The following SLC8A1 variants were observed in gnomAD, a reference collection of about 807,000 sequenced individuals.
SLC8A1 encodes sodium/calcium exchanger 1.
A neutral mutation model predicts 68.3 loss-of-function variants in SLC8A1; 18 were observed. That is an observed-to-expected ratio of 0.26 (90% confidence interval 0.18 to 0.39). The LOEUF is 0.39. Ranked by LOEUF, SLC8A1 falls within the 10% of genes least tolerant of loss-of-function variation. The pLI, the probability that SLC8A1 is intolerant of heterozygous loss-of-function variation, is 1.00. For synonymous variants in SLC8A1, 475 were observed against 415.5 expected (o/e 1.14, Z -1.74); for missense variants, 985 against 1,156.7 (o/e 0.85, Z 2.15).
chr2:40,145,864 C>T (rs1261040597), intron 6 of SLC8A1, among the ~76,000 whole-genome samples: 1 of 152,194 alleles, frequency 6.6e-6, no homozygotes, highest in East Asian at 1.9e-4. Flanking sequence ...CTTTTACATG[C>T]TTTTACCTTA....
At chr2:40,303,081 C>A (rs2071831807) in intron 2 of SLC8A1, among the ~76,000 whole-genome samples, 1 of 152,182 alleles carries the variant, frequency 6.6e-6, no homozygotes, top group Non-Finnish European at 1.5e-5. Flanking sequence ...TGAATTGAAT[C>A]TGTATACAGT....
chr2:40,100,734 CGACA>C (rs1488382851), exon 8 of SLC8A1: 2 of 152,048 alleles, frequency 1.3e-5, no homozygotes, highest in Non-Finnish European at 2.9e-5. Context: ...ATGTCCTCAG[CGACA>C]GACAATGGAC....
intron 2 of SLC8A1, among the ~76,000 whole-genome samples, chr2:40,237,246 C>G (rs58684479): frequency 2.0e-5 from 3 of 152,142 alleles, no homozygotes; most frequent in Non-Finnish European, 4.4e-5. Context: ...GTACACCAAT[C>G]AGACGTAGAT....
intron 2 of SLC8A1, among the ~76,000 whole-genome samples, chr2:40,363,382 C>A (rs755280886): frequency 6.6e-6 from 1 of 151,998 alleles, no homozygotes; most frequent in Non-Finnish European, 1.5e-5. Flanking sequence ...TTTACTTAAA[C>A]AGTTATTTTG....
intron 2 of SLC8A1, among the ~76,000 whole-genome samples, chr2:40,394,149 C>G (rs372043646): frequency 5.3e-5 from 8 of 151,906 alleles, no homozygotes; most frequent in Non-Finnish European, 7.4e-5. Flanking sequence ...AAAATGTCAA[C>G]GGAGCTTAAA....
At chr2:40,279,861 T>G (rs1010742685) in intron 2 of SLC8A1, among the ~76,000 whole-genome samples, 1 of 152,248 alleles carries the variant, frequency 6.6e-6, no homozygotes, top group Non-Finnish European at 1.5e-5. Flanking sequence ...TCCTATTGTA[T>G]GCATTTGTTA....
At chr2:40,366,925 C>T (rs1014542488) in intron 2 of SLC8A1, among the ~76,000 whole-genome samples, 1 of 152,046 alleles carries the variant, frequency 6.6e-6, no homozygotes, top group Non-Finnish European at 1.5e-5. Flanking sequence ...ATCCTCTGAA[C>T]AGGATTTCAT....
At chr2:40,463,365 T>TAGTAC (rs1703455198) in intron 1 of SLC8A1, among the ~76,000 whole-genome samples, 1 of 152,198 alleles carries the variant, frequency 6.6e-6, no homozygotes, top group African/African-American at 2.4e-5. Flanking sequence ...AAGATAAGCA[T>TAGTAC]AGTACGTGTT....
At chr2:40,502,483 A>G (rs1489065243) in intron 1 of SLC8A1, among the ~76,000 whole-genome samples, 1 of 152,104 alleles carries the variant, frequency 6.6e-6, no homozygotes, top group Admixed American at 6.6e-5. Context: ...ATGCTTGTTG[A>G]GTGACTAATA....
chr2:40,477,239 T>C (rs367619913), intron 1 of SLC8A1, among the ~76,000 whole-genome samples: 1 of 139,068 alleles, frequency 7.2e-6, no homozygotes, highest in African/African-American at 3.0e-5. Context: ...TGGTATCTGA[T>C]ATCTGAAGAA....
chr2:40,298,944 A>T (rs1055527311), intron 2 of SLC8A1, among the ~76,000 whole-genome samples: 3 of 152,034 alleles, frequency 2.0e-5, no homozygotes, highest in Non-Finnish European at 4.4e-5. Flanking sequence ...CCTTTAATCT[A>T]ACTCCCCCCA....
intron 2 of SLC8A1, among the ~76,000 whole-genome samples, chr2:40,249,535 G>A (rs1001784506): frequency 1.3e-5 from 2 of 152,118 alleles, no homozygotes; most frequent in African/African-American, 4.8e-5. Context: ...AGGTGTCAAG[G>A]GAGAGGAGGT....
intron 2 of SLC8A1, among the ~76,000 whole-genome samples, chr2:40,249,014 C>A (rs749003042): frequency 2.0e-5 from 3 of 152,174 alleles, no homozygotes; most frequent in African/African-American, 7.2e-5. Context: ...AACAGGATGA[C>A]GTGCTGAGTT....
chr2:40,372,762 G>A (rs936868925), intron 2 of SLC8A1, among the ~76,000 whole-genome samples: 2 of 152,052 alleles, frequency 1.3e-5, no homozygotes, highest in Non-Finnish European at 2.9e-5. Flanking sequence ...TTCCTCCCCT[G>A]TAGTTAATAA....
intron 2 of SLC8A1, among the ~76,000 whole-genome samples, chr2:40,231,664 A>G (rs1295373513): frequency 6.6e-6 from 1 of 152,020 alleles, no homozygotes; most frequent in East Asian, 1.9e-4. Flanking sequence ...GCTTTGGACA[A>G]TTATATTCTC....
At chr2:40,221,515 T>C (rs1264636296) in intron 2 of SLC8A1, among the ~76,000 whole-genome samples, 1 of 152,172 alleles carries the variant, frequency 6.6e-6, no homozygotes, top group Non-Finnish European at 1.5e-5. Flanking sequence ...CAACATAGTA[T>C]TGGAAGTTCT....
At chr2:40,218,661 T>C (rs1485290210) in intron 2 of SLC8A1, among the ~76,000 whole-genome samples, 1 of 152,144 alleles carries the variant, frequency 6.6e-6, no homozygotes, top group East Asian at 1.9e-4. Context: ...TACTTTATGA[T>C]TATAAATGAT....
At chr2:40,372,333 A>T (rs1040277912) in intron 2 of SLC8A1, among the ~76,000 whole-genome samples, 3 of 152,152 alleles carry the variant, frequency 2.0e-5, no homozygotes, top group Admixed American at 2.0e-4. Flanking sequence ...TCTACCACAG[A>T]GATCTGTTAA....
At chr2:40,200,239 A>ATATATTT (rs2054040298) in intron 2 of SLC8A1, among the ~76,000 whole-genome samples, 1 of 16,832 alleles carries the variant, frequency 5.9e-5, no homozygotes, top group Non-Finnish European at 1.1e-4. Flanking sequence ...TATATATATA[A>ATATATTT]ATATATATAT....
Sources: allele counts gnomAD v4.1 joint callset (sites outside exome capture counted in the v4.1 genomes callset), GRCh38; gene constraint gnomAD v4.1.1; transcripts MANE v1.5; gene names NCBI Gene and HGNC (gene_info 2026-07-23, HGNC 2026-07-21).